MYT1L: variants seen among roughly 807,000 people sequenced by gnomAD.
The protein encoded by MYT1L is myelin transcription factor 1-like protein.
A neutral mutation model predicts 126.7 loss-of-function variants in MYT1L; 12 were observed. The observed-to-expected ratio is 0.09, with a 90% CI of 0.06 to 0.15. MYT1L has a LOEUF of 0.15. Among genes scored for constraint, MYT1L ranks in the 10% least tolerant of loss-of-function variants. The pLI is 1.00. For synonymous variants in MYT1L, 541 were observed against 604.2 expected, an observed-to-expected ratio of 0.90 and a Z score of 1.53; for missense variants, 979 against 1,585.2, an observed-to-expected ratio of 0.62 and a Z score of 6.49.
intron 2 of MYT1L, among the ~76,000 whole-genome samples, chr2:2,277,970 A>G (rs1012442250): frequency 4.6e-5 from 7 of 152,250 alleles, no homozygotes; most frequent in African/African-American, 9.6e-5. Context: ...AAAAGTCAGT[A>G]TTAAGTTATT....
intron 3 of MYT1L, among the ~76,000 whole-genome samples, chr2:2,069,649 T>C (rs544834589): frequency 1.1e-4 from 16 of 152,226 alleles, no homozygotes; most frequent in African/African-American, 3.8e-4. Context: ...ATCACCACAC[T>C]GTCTTCCATA....
At chr2:2,000,460 GC>G (rs1166206505) in intron 4 of MYT1L, among the ~76,000 whole-genome samples, 5 of 152,158 alleles carry the variant, frequency 3.3e-5, no homozygotes, top group Non-Finnish European at 7.4e-5. Context: ...TTCACAAGTG[GC>G]CATCTCCAGA....
intron 3 of MYT1L, among the ~76,000 whole-genome samples, chr2:2,140,013 T>C (rs2148150309): frequency 6.6e-6 from 1 of 152,298 alleles, no homozygotes; most frequent in Middle Eastern, 3.4e-3. Flanking sequence ...ATATATCACA[T>C]AAACTAAATT....
rs2148489486 is a variant in MYT1L at position 1,848,296 on chromosome 2, G to GT, written c.2774+3344_2774+3345insA. On this transcript the variant is annotated intron_variant, in intron 19 of 24. Transcript: ENST00000647738. This position sits in a 1 kb window ranked among gnomAD's most constrained non-coding sequence, Gnocchi z 4.8. ...TTCTACAGACACCACGGAAGCGCGA[G>GT]GCATTTGTCCTGGGAGCAGGAGGAA... Among the ~76,000 whole-genome samples the GT allele has an allele frequency of 7.9e-5, 4 of 50,612 alleles. No individual in the cohort carries two copies. Among genetic ancestry groups the GT allele is most frequent in the African/African-American group, 5.5e-4 (4 of 7,272 alleles). The allele number at this position is 50,612 out of a possible 152,430, so 33.2% of individuals were successfully genotyped here.
At chr2:1,876,423 C>A (rs531247928) in intron 18 of MYT1L, among the ~76,000 whole-genome samples, 3 of 152,072 alleles carry the variant, frequency 2.0e-5, no homozygotes, top group Non-Finnish European at 2.9e-5. Context: ...CCCCAGAGCA[C>A]CCCCACACAT....
chr2:1,905,061 G>A (rs1391558818), intron 13 of MYT1L, among the ~76,000 whole-genome samples: 1 of 152,026 alleles, frequency 6.6e-6, no homozygotes, highest in East Asian at 1.9e-4. Flanking sequence ...GCTAAGTTTT[G>A]TATTTTTAGT....
intron 8 of MYT1L, among the ~76,000 whole-genome samples, chr2:1,967,722 T>C (rs11127297): frequency 0.33 from 49,457 of 151,534 alleles, 8,675 homozygotes; most frequent in African/African-American, 0.46. Flanking sequence ...TGGAAGAGGA[T>C]GGGGGGAGGG....
intron 3 of MYT1L, among the ~76,000 whole-genome samples, chr2:2,138,222 A>G (rs1438793766): frequency 6.6e-6 from 1 of 150,902 alleles, no homozygotes; most frequent in Non-Finnish European, 1.5e-5. Context: ...GTGGAGAAAT[A>G]GGAACACTTT....
At chr2:1,901,055 C>A (rs1458784949) in intron 14 of MYT1L, among the ~76,000 whole-genome samples, 3 of 152,212 alleles carry the variant, frequency 2.0e-5, no homozygotes, top group Non-Finnish European at 4.4e-5. Context: ...AAACCCATGG[C>A]ACTAGGCTAA....
chr2:2,204,041 G>A (rs1572427889), intron 2 of MYT1L, among the ~76,000 whole-genome samples: 1 of 152,180 alleles, frequency 6.6e-6, no homozygotes, highest in Admixed American at 6.5e-5. Flanking sequence ...ATGGTGCTGG[G>A]AAAACTGGCT....
chr2:1,975,134 A>C (rs1177844029), intron 8 of MYT1L, among the ~76,000 whole-genome samples: 1 of 152,050 alleles, frequency 6.6e-6, no homozygotes, highest in East Asian at 1.9e-4. Flanking sequence ...CTCTATTCTC[A>C]ATTTCGTACA....
chr2:2,303,496 A>G (rs1027812355), intron 1 of MYT1L: 3 of 152,346 alleles, frequency 2.0e-5, no homozygotes, highest in African/African-American at 7.2e-5. Flanking sequence ...TGTCACTGTT[A>G]CAGAGTCTCC....
At chr2:2,090,764 T>C (rs2076836484) in intron 3 of MYT1L, among the ~76,000 whole-genome samples, 1 of 152,226 alleles carries the variant, frequency 6.6e-6, no homozygotes, top group African/African-American at 2.4e-5. Context: ...TCTCAAACCC[T>C]GCTGCTGCTT....
At chr2:1,932,447 GA>G (rs1302272896) in intron 9 of MYT1L, among the ~76,000 whole-genome samples, 6 of 152,128 alleles carry the variant, frequency 3.9e-5, no homozygotes, top group Admixed American at 3.3e-4. Context: ...GGAACTAACA[GA>G]ATAATAGTTA....
intron 2 of MYT1L, among the ~76,000 whole-genome samples, chr2:2,248,660 G>A (rs1450532021): frequency 6.6e-6 from 1 of 152,026 alleles, no homozygotes; most frequent in East Asian, 1.9e-4. Context: ...AATACATTTA[G>A]AAGATCATTC....
At chr2:2,128,827 T>A (rs546890132) in intron 3 of MYT1L, among the ~76,000 whole-genome samples, 10 of 152,316 alleles carry the variant, frequency 6.6e-5, no homozygotes, top group African/African-American at 2.2e-4. Flanking sequence ...GAGATGTCCT[T>A]CATCATCCCT....
At chr2:2,322,997 C>T (rs1205752247) in intron 1 of MYT1L, among the ~76,000 whole-genome samples, 4 of 152,064 alleles carry the variant, frequency 2.6e-5, no homozygotes, top group African/African-American at 7.2e-5. Context: ...AGAAATGTGT[C>T]TGTGTGTATA....
At chr2:1,938,483 A>G (rs534687418) in intron 9 of MYT1L, among the ~76,000 whole-genome samples, 1 of 152,340 alleles carries the variant, frequency 6.6e-6, no homozygotes, top group South Asian at 2.1e-4. Flanking sequence ...AGACCAGCCT[A>G]TGGTAGGTCT....
intron 1 of MYT1L, among the ~76,000 whole-genome samples, chr2:2,320,997 A>G (rs540632737): frequency 6.6e-6 from 1 of 152,288 alleles, no homozygotes; most frequent in African/African-American, 2.4e-5. Context: ...TTTTTAATCA[A>G]CTTCCTAATT....
Sources: gnomAD v4.1 joint callset for allele counts (sites outside exome capture counted in the v4.1 genomes callset) on GRCh38, gnomAD v4.1.1 for gene constraint, Gnocchi (gnomAD v3.1) non-coding constraint, MANE v1.5 for transcripts, NCBI Gene and HGNC (gene_info 2026-07-23, HGNC 2026-07-21) for gene names.